Variants in FBXL20 observed in about 807,000 individuals in gnomAD.
FBXL20 encodes the protein F-box and leucine rich repeat protein 20.
Under a neutral mutation model 64.0 loss-of-function variants are expected in FBXL20, and 11 were observed. That is an observed-to-expected ratio of 0.17 (90% CI 0.11 to 0.28). The LOEUF (loss-of-function observed/expected upper bound fraction) is 0.28. Ranked by LOEUF, FBXL20 falls within the 10% of genes least tolerant of loss-of-function variation. FBXL20 has a pLI of 1.00. For synonymous variants in FBXL20, 184 were observed against 189.0 expected (o/e 0.97, Z 0.22); for missense variants, 303 against 526.2 (o/e 0.58, Z 4.15).
chr17:39,393,131 A>G (rs1359672589), intron 1 of FBXL20, among the ~76,000 whole-genome samples: 1 of 152,012 alleles, frequency 6.6e-6, no homozygotes, highest in Non-Finnish European at 1.5e-5. Flanking sequence ...TCTACTAAAA[A>G]TAAAAAAATT....
rs1327047912 is a variant in FBXL20 at position 39,267,097 on chromosome 17, C to T, written c.934-1644G>A. On this transcript the variant is annotated intron_variant, in intron 12 of 14. Transcript: ENST00000264658. Reference sequence around the variant, plus strand: ...TTGAAACCCTGTCTCTACTAAAATACAAAAACTAGCCGGGCGTGGTGGCAG... The same window carrying T: ...TTGAAACCCTGTCTCTACTAAAATATAAAAACTAGCCGGGCGTGGTGGCAG... Among the ~76,000 whole-genome samples, 3 of 151,968 alleles carry T rather than the reference C, an allele frequency of 2.0e-5. No homozygotes were observed. In the East Asian group the frequency reaches 5.8e-4, roughly 29 times the overall value.
chr17:39,283,396 C>T (rs559412711), intron 7 of FBXL20, among the ~76,000 whole-genome samples: 40 of 152,008 alleles, frequency 2.6e-4, no homozygotes, highest in African/African-American at 9.2e-4. Context: ...CACATTGATA[C>T]TCAAAAAGTT....
intron 1 of FBXL20, among the ~76,000 whole-genome samples, chr17:39,367,936 T>C (rs1021023438): frequency 3.7e-4 from 56 of 151,342 alleles, no homozygotes; most frequent in Middle Eastern, 3.4e-3. Flanking sequence ...GCTAATTTTT[T>C]TTTTCTTTTT....
At chr17:39,303,454 T>C in intron 3 of FBXL20, 131 bp downstream of exon 3, 1 of 679,952 alleles carries the variant, frequency 1.5e-6, no homozygotes, top group Non-Finnish European at 2.4e-6. Flanking sequence ...GGTATGTCAT[T>C]GGTGAAATAA....
At chr17:39,299,494 G>C (rs540127747) in intron 4 of FBXL20, among the ~76,000 whole-genome samples, 56 of 152,176 alleles carry the variant, frequency 3.7e-4, no homozygotes, top group Non-Finnish European at 6.9e-4. Context: ...ACAAAAGCTG[G>C]TCAGGGGCCA....
intron 4 of FBXL20, among the ~76,000 whole-genome samples, chr17:39,299,503 C>T (rs1396842326): frequency 6.6e-6 from 1 of 152,114 alleles, no homozygotes; most frequent in Non-Finnish European, 1.5e-5. Context: ...GGTCAGGGGC[C>T]AGGCACGGTG....
At chr17:39,289,129 G>A (rs71369740) in intron 6 of FBXL20, among the ~76,000 whole-genome samples, 1 of 152,026 alleles carries the variant, frequency 6.6e-6, no homozygotes, top group Non-Finnish European at 1.5e-5. Flanking sequence ...TATGCTTATA[G>A]CACCAGCACA....
In FBXL20 at chr17:39,254,541, G is replaced by A. The variant is rs987968705; in HGVS notation, c.*6919C>T. ...CCAAAACCATGCCCAGATGCAGCTG[G>A]GGTGCACTTGTGGTTCTTTCGGTGG... On this transcript the variant is annotated 3_prime_UTR_variant, in exon 15 of 15. Transcript: ENST00000264658. 1.3e-5 allele frequency: 2 copies of A among 154,416 alleles called. No individual in the cohort carries two copies. Among genetic ancestry groups the A allele is most frequent in the Non-Finnish European group, 2.9e-5 (2 of 68,196 alleles). The allele number at this position is 154,416 out of a possible 1,614,324, so 9.6% of individuals were successfully genotyped here. A position where few individuals can be genotyped will look rare whatever the true frequency, so the allele number is the denominator to read the frequency against.
At chr17:39,293,225 C>CTT (rs113511127) in intron 6 of FBXL20, among the ~76,000 whole-genome samples, 3 of 135,276 alleles carry the variant, frequency 2.2e-5, no homozygotes, top group Admixed American at 7.4e-5. Context: ...TTTTGGATCA[C>CTT]TTTTTTTTTT....
intron 1 of FBXL20, among the ~76,000 whole-genome samples, chr17:39,352,959 G>T (rs1303769407): frequency 6.6e-6 from 1 of 152,146 alleles, no homozygotes; most frequent in Non-Finnish European, 1.5e-5. Context: ...ACTTTCAGGA[G>T]AGTACTTAAA....
intron 1 of FBXL20, 75 bp downstream of exon 1, chr17:39,401,286 G>T: frequency 6.2e-7 from 1 of 1,607,962 alleles, no homozygotes; most frequent in Non-Finnish European, 8.5e-7. Flanking sequence ...AGGAGGCTCC[G>T]TGCGGAGCGG....
At chr17:39,291,431 CTTTTTTT>C (rs907454529) in intron 6 of FBXL20, among the ~76,000 whole-genome samples, 1 of 110,486 alleles carries the variant, frequency 9.1e-6, no homozygotes, top group Non-Finnish European at 1.8e-5. Flanking sequence ...TAAAACTTTT[CTTTTTTT>C]TTTTTTTTTT....
chr17:39,384,045 G>A (rs1683676483), intron 1 of FBXL20, among the ~76,000 whole-genome samples: 1 of 151,948 alleles, frequency 6.6e-6, no homozygotes, highest in Non-Finnish European at 1.5e-5. Context: ...ACCAGCCTGA[G>A]CAACATAGGG....
At chr17:39,282,048 T>C (rs959225756) in intron 8 of FBXL20, among the ~76,000 whole-genome samples, 13 of 152,164 alleles carry the variant, frequency 8.5e-5, no homozygotes, top group Non-Finnish European at 8.8e-5. Context: ...TTTCAAACAA[T>C]GGAACCCCTC....
At chr17:39,386,554 G>A (rs2048082022) in intron 1 of FBXL20, among the ~76,000 whole-genome samples, 1 of 151,970 alleles carries the variant, frequency 6.6e-6, no homozygotes. Flanking sequence ...AACCCGGGAG[G>A]CGGAGGTTGC....
At chr17:39,379,439 A>C (rs2048001452) in intron 1 of FBXL20, among the ~76,000 whole-genome samples, 1 of 149,036 alleles carries the variant, frequency 6.7e-6, no homozygotes, top group Admixed American at 6.7e-5. Context: ...AGAGGCCAGC[A>C]GTTCAAGAAC....
At chr17:39,362,276 G>C (rs2047803617) in intron 1 of FBXL20, among the ~76,000 whole-genome samples, 1 of 151,194 alleles carries the variant, frequency 6.6e-6, no homozygotes. Context: ...CTGGGCAACA[G>C]AGCGAGACTC....
chr17:39,303,177 A>G (rs531836531), intron 3 of FBXL20, among the ~76,000 whole-genome samples: 1 of 152,248 alleles, frequency 6.6e-6, no homozygotes, highest in South Asian at 2.1e-4. Context: ...TAGCAAATGC[A>G]GTTTCAATCC....
chr17:39,301,552 AC>A (rs2047135475), intron 3 of FBXL20, among the ~76,000 whole-genome samples: 1 of 151,882 alleles, frequency 6.6e-6, no homozygotes, highest in Non-Finnish European at 1.5e-5. Flanking sequence ...ACATGGTGAA[AC>A]CCCGTCTCTA....
Sources: allele counts gnomAD v4.1 joint callset (sites outside exome capture counted in the v4.1 genomes callset), GRCh38; gene constraint gnomAD v4.1.1; transcripts MANE v1.5; gene names NCBI Gene and HGNC (gene_info 2026-07-23, HGNC 2026-07-21).